Variants in HNRNPA1L2 observed in about 807,000 individuals in gnomAD.
HNRNPA1L2 encodes the protein heterogeneous nuclear ribonucleoprotein A1 like 2.
Under a neutral mutation model 18.2 loss-of-function variants are expected in HNRNPA1L2, and 10 were observed. That is an observed-to-expected ratio of 0.55 (90% CI 0.34 to 0.93). The LOEUF (loss-of-function observed/expected upper bound fraction) is 0.93, where lower values mean the gene tolerates loss of function less well. Among genes scored for constraint, HNRNPA1L2 ranks in the 40% least tolerant of loss-of-function variants. HNRNPA1L2 has a pLI of 0.02. For missense variants in HNRNPA1L2, 308 were observed against 394.4 expected (o/e 0.78, Z 1.85); for synonymous variants, 124 against 138.6 (o/e 0.89, Z 0.74).
chr13:52,618,064 G>T, the HNRNPA1L2 span, among the ~76,000 whole-genome samples: 1 of 152,196 alleles, frequency 6.6e-6, no homozygotes, highest in Non-Finnish European at 1.5e-5. Context: ...TTTACAGCGT[G>T]CCAGTACTGG....
chr13:52,628,254 G>A, the HNRNPA1L2 span, among the ~76,000 whole-genome samples: 1 of 152,090 alleles, frequency 6.6e-6, no homozygotes, highest in Admixed American at 6.6e-5. Flanking sequence ...ACCAGTCTGG[G>A]CAGCAAAACA....
the HNRNPA1L2 span, among the ~76,000 whole-genome samples, chr13:52,635,298 G>A: frequency 6.6e-6 from 1 of 152,074 alleles, no homozygotes; most frequent in African/African-American, 2.4e-5. Context: ...ACAAAAGTGT[G>A]TAAACAGGTA....
upstream of HNRNPA1L2, chr13:52,640,736 C>T (rs973989372): frequency 7.9e-5 from 12 of 152,182 alleles, no homozygotes; most frequent in Non-Finnish European, 1.2e-4. Context: ...TGGCTCTCAC[C>T]GTCCATTTAG....
upstream of HNRNPA1L2, chr13:52,641,374 T>G (rs1373398725): frequency 1.3e-5 from 2 of 152,254 alleles, no homozygotes; most frequent in African/African-American, 4.8e-5. Context: ...CCATCCTTCC[T>G]TCTCTTCCTG....
At chr13:52,622,761 TC>T in the HNRNPA1L2 span, among the ~76,000 whole-genome samples, 1 of 152,208 alleles carries the variant, frequency 6.6e-6, no homozygotes, top group Admixed American at 6.5e-5. Context: ...TTTCCTGGCT[TC>T]CTCAGAGCAT....
chr13:52,636,169 G>A, the HNRNPA1L2 span, among the ~76,000 whole-genome samples: 2 of 152,126 alleles, frequency 1.3e-5, no homozygotes, highest in Non-Finnish European at 2.9e-5. Flanking sequence ...TCACCTGTTA[G>A]TGGACATTTG....
chr13:52,628,938 C>T, the HNRNPA1L2 span, among the ~76,000 whole-genome samples: 1 of 152,094 alleles, frequency 6.6e-6, no homozygotes, highest in African/African-American at 2.4e-5. Flanking sequence ...TGCAATGGTG[C>T]GATTTCGGCT....
the HNRNPA1L2 span, among the ~76,000 whole-genome samples, chr13:52,630,811 C>CTAA: frequency 1.3e-5 from 2 of 152,164 alleles, no homozygotes; most frequent in Admixed American, 1.3e-4. Context: ...GTATCTGTTA[C>CTAA]ATATTATTGA....
chr13:52,637,212 T>G, the HNRNPA1L2 span: 1 of 153,962 alleles, frequency 6.5e-6, no homozygotes, highest in African/African-American at 2.4e-5. Context: ...GTCAAGGTAT[T>G]AAAAATACAC....
chr13:52,635,453 A>T, the HNRNPA1L2 span, among the ~76,000 whole-genome samples: 1 of 152,124 alleles, frequency 6.6e-6, no homozygotes, highest in Non-Finnish European at 1.5e-5. Flanking sequence ...CAACTTTATT[A>T]AGGTATAATT....
chr13:52,622,793 A>C, the HNRNPA1L2 span, among the ~76,000 whole-genome samples: 1 of 152,138 alleles, frequency 6.6e-6, no homozygotes, highest in Non-Finnish European at 1.5e-5. Context: ...TGTGCTTGTC[A>C]AAAGAGTATT....
the HNRNPA1L2 span, among the ~76,000 whole-genome samples, chr13:52,629,747 CTTA>C: frequency 6.6e-6 from 1 of 152,128 alleles, no homozygotes; most frequent in Non-Finnish European, 1.5e-5. Flanking sequence ...TCTATACATG[CTTA>C]TCTTTTGTTA....
upstream of HNRNPA1L2, among the ~76,000 whole-genome samples, chr13:52,638,903 G>C (rs777133648): frequency 5.9e-5 from 9 of 152,152 alleles, no homozygotes; most frequent in Non-Finnish European, 1.5e-5. Flanking sequence ...TTGTGGTTTA[G>C]AGCTTCTTTT....
chr13:52,629,343 G>T, the HNRNPA1L2 span: 1 of 223,558 alleles, frequency 4.5e-6, no homozygotes. Flanking sequence ...GGAGAAGACT[G>T]CTGATCTTAG....
At chr13:52,637,311 C>T in the HNRNPA1L2 span, 3 of 220,246 alleles carry the variant, frequency 1.4e-5, no homozygotes, top group Non-Finnish European at 3.0e-5. Context: ...ACAGACACAT[C>T]ACCTTCACTT....
chr13:52,618,594 G>C, the HNRNPA1L2 span, among the ~76,000 whole-genome samples: 1 of 152,162 alleles, frequency 6.6e-6, no homozygotes, highest in Non-Finnish European at 1.5e-5. Flanking sequence ...CTGCTTTGGA[G>C]GATTATGGTA....
the HNRNPA1L2 span, among the ~76,000 whole-genome samples, chr13:52,628,726 A>G: frequency 6.6e-6 from 1 of 152,230 alleles, no homozygotes; most frequent in Non-Finnish European, 1.5e-5. Context: ...ATGTTCTGTT[A>G]TGTGAATGTT....
At chr13:52,620,932 C>T in the HNRNPA1L2 span, among the ~76,000 whole-genome samples, 1 of 152,100 alleles carries the variant, frequency 6.6e-6, no homozygotes, top group South Asian at 2.1e-4. Flanking sequence ...AGTGCTGTAG[C>T]ACATCAGCTT....
chr13:52,637,366 A>G, the HNRNPA1L2 span: 2 of 232,202 alleles, frequency 8.6e-6, no homozygotes, highest in Non-Finnish European at 9.2e-6. Context: ...AATATGAACA[A>G]CCCCTTGAGA....
Sources: gnomAD v4.1 joint callset for allele counts (sites outside exome capture counted in the v4.1 genomes callset) on GRCh38, gnomAD v4.1.1 for gene constraint, MANE v1.5 for transcripts, NCBI Gene and HGNC (gene_info 2026-07-23, HGNC 2026-07-21) for gene names.